MGAM2: variants seen among roughly 807,000 people sequenced by gnomAD.
MGAM2 encodes probable maltase-glucoamylase 2.
MGAM2 carries 98 observed loss-of-function variants against 96.1 expected under a neutral mutation model. The ratio of observed to expected loss-of-function variants is 1.02; its 90% CI spans 0.87 to 1.21. The LOEUF is 1.21. Ranked by LOEUF, MGAM2 falls within the 50% of genes most tolerant of loss-of-function variation. The pLI is 0.00. For synonymous variants in MGAM2, 749 were observed against 414.8 expected, an observed-to-expected ratio of 1.81 and a Z score of -9.79; for missense variants, 2,055 against 1,182.4, an observed-to-expected ratio of 1.74 and a Z score of -10.82.
At chr7:142,162,798 C>T (rs1267430157) in intron 23 of MGAM2, among the ~76,000 whole-genome samples, 1 of 151,880 alleles carries the variant, frequency 6.6e-6, no homozygotes, top group East Asian at 2.0e-4. Flanking sequence ...TACCCCTTTG[C>T]CCAGTTTCTC....
chr7:142,155,512 G>T (rs936076832), intron 17 of MGAM2, among the ~76,000 whole-genome samples: 1 of 152,120 alleles, frequency 6.6e-6, no homozygotes, highest in Non-Finnish European at 1.5e-5. Context: ...CTCTTAATAG[G>T]TTCATTAGAA....
rs1796551096 is a variant in MGAM2, at chr7:142,181,758, G to A, written c.3817-1508G>A. Among the ~76,000 whole-genome samples the A allele has an allele frequency of 3.3e-5, 5 of 152,164 alleles. 1 individual carries two copies. The South Asian group carries it at 6.2e-4, about 19-fold the overall frequency. On this transcript the variant is annotated intron_variant, in intron 32 of 47. Coordinates refer to ENST00000477922, the MANE Select transcript of MGAM2 (RefSeq NM_001293626.2). ...TGTCTGGGGGTGATCTGTTGACGCA[G>A]TGGGTCAAGGGCAGAAGATCCCCAG...
rs1360681790 is a variant in MGAM2, at chr7:142,116,933, G to C, written c.60G>C (p.Val20=). The C allele has an allele frequency of 1.4e-6, 1 of 703,262 alleles. No homozygotes were observed. The highest frequency in any genetic ancestry group is 2.7e-5 in the East Asian group (1 of 37,290). 43.6% of individuals were successfully genotyped at this position (703,262 alleles called of 1,614,324 possible). The change falls in exon 2 of 48, where the codon GTG becomes GTC. Residue 20 remains valine, a synonymous_variant. Coordinates refer to ENST00000477922, the MANE Select transcript of MGAM2 (RefSeq NM_001293626.2). ...TGATCATCTTCTGCTTAATTGTGGT[G>C]ACCATAGATATCCTCTTGCTGCTTC... ...VLLIIFCLIV[V]TIDILLLLLV...
rs1488719880 is a variant in MGAM2 at position 142,148,216 on chromosome 7, C to G, written c.1634+643C>G. Reference sequence around the variant, plus strand: ...ATTATTGCCATCACCACCACCATCACTACCACTACTATCACCATCACCACC... The same window carrying G: ...ATTATTGCCATCACCACCACCATCAGTACCACTACTATCACCATCACCACC... On this transcript the variant is annotated intron_variant, in intron 15 of 47. Coordinates refer to ENST00000477922, the MANE Select transcript of MGAM2 (RefSeq NM_001293626.2). The surrounding 1 kb of genome is among the most constrained non-coding windows in gnomAD (Gnocchi z 4.2). Among the ~76,000 whole-genome samples, 1 of 151,788 alleles carries G rather than the reference C, an allele frequency of 6.6e-6. No individual in the cohort carries two copies. Among genetic ancestry groups the G allele is most frequent in the Non-Finnish European group, 1.5e-5 (1 of 67,914 alleles).
At chr7:142,213,704 C>T (rs1797662825) in intron 46 of MGAM2, among the ~76,000 whole-genome samples, 1 of 152,038 alleles carries the variant, frequency 6.6e-6, no homozygotes, top group Non-Finnish European at 1.5e-5. Flanking sequence ...CCAAAACAGC[C>T]CAGGACCAGA....
chr7:142,198,860 T>G, intron 44 of MGAM2, 121 bp downstream of exon 44: 1 of 594,070 alleles, frequency 1.7e-6, no homozygotes, highest in Non-Finnish European at 3.0e-6. Context: ...CAAACAGCTT[T>G]ACTGGTCAGA....
rs188878396 is a variant in MGAM2 at position 142,165,023 on chromosome 7, G to A, written c.2652G>A (p.Lys884=). 384 of 697,638 alleles carry A rather than the reference G, an allele frequency of 5.5e-4. No individual in the cohort carries two copies. In the African/African-American group the frequency reaches 6.2e-3, roughly 11 times the overall value. 43.2% of individuals were successfully genotyped at this position (697,638 alleles called of 1,614,324 possible). ...GCGTTGTCTACAATGCTTCCACAAA[G>A]GTAAGAGATCCTTCCATTCTGCAGG... ...SPSVVYNAST[K]VVTITDLQGL... Residue 884 remains lysine, a splice_region_variant and synonymous_variant, in exon 24 of 48, where the codon AAG becomes AAA. Transcript: ENST00000477922.
chr7:142,130,051 T>A (rs1399898184), intron 3 of MGAM2, among the ~76,000 whole-genome samples: 2 of 152,044 alleles, frequency 1.3e-5, no homozygotes, highest in African/African-American at 4.8e-5. Context: ...GTTTTATTTA[T>A]CATAACAAAA....
chr7:142,115,174 G>A (rs367619371), intron 1 of MGAM2, among the ~76,000 whole-genome samples: 6 of 152,220 alleles, frequency 3.9e-5, no homozygotes, highest in East Asian at 1.9e-4. Context: ...TTGAGATTGC[G>A]CCACTGCACT....
intron 14 of MGAM2, among the ~76,000 whole-genome samples, chr7:142,145,404 T>C (rs1292447541): frequency 1.3e-5 from 2 of 152,064 alleles, no homozygotes; most frequent in Non-Finnish European, 2.9e-5. Flanking sequence ...TTTTTCTTTT[T>C]TCCCTCCCTT....
chr7:142,159,501 G>C (rs146894864), intron 20 of MGAM2, among the ~76,000 whole-genome samples, 158 bp downstream of exon 20: 57 of 152,276 alleles, frequency 3.7e-4, no homozygotes, highest in African/African-American at 1.3e-3. Context: ...AGTTGGTTCA[G>C]GATGGTGCAA....
chr7:142,154,909 G>A (rs1795691670), intron 17 of MGAM2, 64 bp downstream of exon 17: 1 of 694,308 alleles, frequency 1.4e-6, no homozygotes, highest in Non-Finnish European at 2.6e-6. Flanking sequence ...CTCTTAAAGG[G>A]GATTTGAGGA....
chr7:142,206,316 T>G (rs1278298406), intron 45 of MGAM2, among the ~76,000 whole-genome samples: 3 of 152,186 alleles, frequency 2.0e-5, no homozygotes, highest in African/African-American at 7.2e-5. Flanking sequence ...TAAATAATTA[T>G]TTTGTGGTGG....
At chr7:142,161,896 G>A in intron 22 of MGAM2, 59 bp from the exon 23 acceptor site, 1 of 633,084 alleles carries the variant, frequency 1.6e-6, no homozygotes, top group Middle Eastern at 2.5e-4. Flanking sequence ...GAAGAGAAGA[G>A]CAGGACTCCC....
intron 37 of MGAM2, among the ~76,000 whole-genome samples, chr7:142,190,697 G>A (rs1013422217): frequency 6.6e-6 from 1 of 152,146 alleles, no homozygotes; most frequent in African/African-American, 2.4e-5. Flanking sequence ...TGGGGGTAAA[G>A]TGATATCTAA....
chr7:142,199,967 TGGTGAGTATAAACTTTCCAG>T lies in MGAM2; in HGVS notation c.5137+3_5137+22del, dbSNP rs1306072680. On this transcript the variant is annotated splice_donor_variant and splice_donor_5th_base_variant and coding_sequence_variant and intron_variant, in exon 45 of 48. Transcript: ENST00000477922. LOFTEE classifies it high-confidence loss of function. ...TGTTCTGGGATGATGGACAAAGCAT[TGGTGAGTATAAACTTTCCAG>T]GGTCCCTGTACATCACTGAGAAAAA... 1.5e-6 allele frequency: 1 copy of T among 680,362 alleles called. No homozygotes were observed. The allele number at this position is 680,362 out of a possible 1,614,324, so 42.1% of individuals were successfully genotyped here.
chr7:142,212,276 T>G (rs977849441), intron 46 of MGAM2, among the ~76,000 whole-genome samples: 3 of 152,194 alleles, frequency 2.0e-5, no homozygotes, highest in Middle Eastern at 3.2e-3. Flanking sequence ...CCATTGACAC[T>G]ATGAAGAAAC....
At chr7:142,142,633 T>G (rs1164665378) in intron 12 of MGAM2, among the ~76,000 whole-genome samples, 4 of 144,688 alleles carry the variant, frequency 2.8e-5, no homozygotes, top group African/African-American at 1.0e-4. Flanking sequence ...CACTGCAACC[T>G]CTGCCTCCCA....
chr7:142,212,196 A>T (rs761927660), intron 46 of MGAM2, among the ~76,000 whole-genome samples: 8 of 152,228 alleles, frequency 5.3e-5, no homozygotes. Context: ...AGAGCTCCTG[A>T]AGGAAGCACT....
Sources: allele counts gnomAD v4.1 joint callset (sites outside exome capture counted in the v4.1 genomes callset), GRCh38; gene constraint gnomAD v4.1.1; non-coding constraint Gnocchi (gnomAD v3.1); transcripts MANE v1.5; gene names NCBI Gene and HGNC (gene_info 2026-07-23, HGNC 2026-07-21).